Variants in TMEM25 observed in about 807,000 individuals in gnomAD.
TMEM25 encodes the protein transmembrane protein 25, also known as 0610039J01Rik.
In TMEM25, 36 loss-of-function variants were observed where a neutral mutation model predicts 37.0. The ratio of observed to expected loss-of-function variants is 0.97; its 90% CI spans 0.75 to 1.28. The LOEUF (loss-of-function observed/expected upper bound fraction) is 1.28, where lower values mean the gene tolerates loss of function less well. TMEM25 is among the 50% of genes most tolerant of loss of function. The pLI, the probability that TMEM25 is intolerant of heterozygous loss-of-function variation, is 0.00. For synonymous variants in TMEM25, 197 were observed against 203.7 expected (o/e 0.97, Z 0.28); for missense variants, 444 against 477.9 (o/e 0.93, Z 0.66).
chr11:118,543,275 T>C (rs995863179), intron 8 of TMEM25, among the ~76,000 whole-genome samples: 8 of 152,152 alleles, frequency 5.3e-5, no homozygotes, highest in African/African-American at 1.9e-4. Flanking sequence ...GTTAAAGGGT[T>C]TGTAAGAAAC....
In TMEM25 at chr11:118,532,246, G is replaced by A; in HGVS notation, c.167G>A (p.Gly56Glu). 1 of 1,613,708 alleles carries A rather than the reference G, an allele frequency of 6.2e-7. No individual in the cohort carries two copies. The highest frequency in any genetic ancestry group is 1.1e-5 in the South Asian group (1 of 91,066). Residue 56 changes from glycine (G) to glutamate (E), a missense_variant, in exon 3 of 9, where the codon GGG becomes GAG. Coordinates refer to ENST00000313236, the MANE Select transcript of TMEM25 (RefSeq NM_032780.4). ...CACGCCTTCACCTGCCGGGTGGCAG[G>A]GGGGCCTGGCACCCCCAGATTGGCC... is the stretch of plus-strand genomic sequence containing the variant. ...ERHAFTCRVA[G>E]GPGTPRLAWY...
At chr11:118,537,625 T>C (rs782049386), downstream of TMEM25, among the ~76,000 whole-genome samples, 7 of 107,888 alleles carry the variant, frequency 6.5e-5, no homozygotes, top group Admixed American at 1.6e-4. Context: ...ATTCTGGATA[T>C]TTGCTATTGT....
chr11:118,537,790 C>T (rs1951530054), downstream of TMEM25, among the ~76,000 whole-genome samples: 1 of 152,104 alleles, frequency 6.6e-6, no homozygotes, highest in South Asian at 2.1e-4. Flanking sequence ...GTGACTCATA[C>T]CTGTAACCCT....
chr11:118,537,831 G>C (rs562325964), downstream of TMEM25, among the ~76,000 whole-genome samples: 1 of 152,018 alleles, frequency 6.6e-6, no homozygotes, highest in African/African-American at 2.4e-5. Flanking sequence ...CGGGTGGATC[G>C]CTTGAACCCA....
rs139193877 is a variant in TMEM25 at position 118,534,540 on chromosome 11, A to G, written c.1061A>G (p.Tyr354Cys). The G allele has an allele frequency of 3.1e-6, 5 of 1,614,076 alleles. No individual in the cohort carries two copies. Among genetic ancestry groups the G allele is most frequent in the African/African-American group, 2.7e-5 (2 of 74,932 alleles). Residue 354 changes from tyrosine to cysteine, a missense_variant, in exon 9 of 9, where the codon TAT becomes TGT. By Grantham distance (194) the Tyr-to-Cys change is radical. Coordinates refer to ENST00000313236, the MANE Select transcript of TMEM25 (RefSeq NM_032780.4). The surrounding 1 kb of genome is among the most constrained non-coding windows in gnomAD (Gnocchi z 4.6). ...FIRLPVLGYI[Y>C]RVSSVSSDEI... ...CGCCTCCCAGTGCTGGGCTATATCT[A>G]TCGAGTGTCCAGCGTGAGCAGTGAT...
At chr11:118,540,729 C>G (rs782295367), downstream of TMEM25, among the ~76,000 whole-genome samples, 6 of 152,202 alleles carry the variant, frequency 3.9e-5, no homozygotes, top group Non-Finnish European at 7.3e-5. Flanking sequence ...TTGATGAAAG[C>G]CAAACACTCT....
rs45505501 is a variant in TMEM25, at chr11:118,534,590, G to A, written c.*10G>A. ...TGAGATCTGGCTCTGAGCCGAGGGC[G>A]AGACAGGAGTATTCTCTTGGCCTCT... On this transcript the variant is annotated 3_prime_UTR_variant, in exon 9 of 9. Transcript: ENST00000313236. The surrounding 1 kb of genome is among the most constrained non-coding windows in gnomAD (Gnocchi z 4.6). 0.15 allele frequency: 249,015 copies of A among 1,613,510 alleles called. 23,945 individuals are homozygous for A. The highest frequency in any genetic ancestry group is 0.46 in the East Asian group (20,458 of 44,848).
chr11:118,531,614 C>A lies in TMEM25; in HGVS notation c.-27-161C>A, dbSNP rs886438351. The A allele has an allele frequency of 3.6e-5, 22 of 614,404 alleles. No homozygotes were observed. In the African/African-American group the frequency reaches 4.1e-4, roughly 11 times the overall value. 38.1% of individuals were successfully genotyped at this position (614,404 alleles called of 1,614,324 possible). ...ATGTGTCTGCTGGGTGGGTCTGTGCCTTTGGGCTTTGCCGTTCGTGTCCGT... is the reference window on the plus strand; with the variant it reads ...ATGTGTCTGCTGGGTGGGTCTGTGCATTTGGGCTTTGCCGTTCGTGTCCGT... On this transcript the variant is annotated intron_variant, in intron 1 of 8. Transcript: ENST00000313236.
chr11:118,535,630 G>A lies in TMEM25; in HGVS notation c.*1050G>A. ...TAATTCAACAGTGTGGAAGCTTTAG[G>A]GGAACATGGAGAAAGAAGGAGACCA... On this transcript the variant is annotated 3_prime_UTR_variant, in exon 9 of 9. Coordinates refer to ENST00000313236, the MANE Select transcript of TMEM25 (RefSeq NM_032780.4). 6.5e-7 allele frequency: 1 copy of A among 1,528,036 alleles called. No individual in the cohort carries two copies. Among genetic ancestry groups the A allele is most frequent in the Non-Finnish European group, 8.8e-7 (1 of 1,141,106 alleles). The allele number at this position is 1,528,036 out of a possible 1,614,324, so 94.7% of individuals were successfully genotyped here.
At chr11:118,540,743 T>C (rs1951567567), downstream of TMEM25, among the ~76,000 whole-genome samples, 4 of 152,254 alleles carry the variant, frequency 2.6e-5, no homozygotes, top group Admixed American at 6.5e-5. Flanking sequence ...ACACTCTTTT[T>C]TTCAGAAGAC....
Position 118,533,122 on chromosome 11 carries a change from G to T in TMEM25, c.588G>T (p.Gln196His). 1 of 1,613,008 alleles carries T rather than the reference G, an allele frequency of 6.2e-7. No homozygotes were observed. The highest frequency in any genetic ancestry group is 1.3e-5 in the African/African-American group (1 of 75,024). The change falls in exon 4 of 9, where the codon CAG (glutamine) becomes CAT (histidine). Residue 196 changes from glutamine (Q) to histidine (H), a missense_variant. By Grantham distance (24) the Gln-to-His change is conservative. Transcript: ENST00000313236. ...NYPWLTNHTV[Q>H]LQLRSLAHNL... ...CCTGGCTCACCAACCACACGGTGCAGCTGCAGCTCCGCAGCCTGGCACACA... is the reference window on the plus strand; with the variant it reads ...CCTGGCTCACCAACCACACGGTGCATCTGCAGCTCCGCAGCCTGGCACACA...
Position 118,535,485 on chromosome 11 carries a change from G to T in TMEM25, c.*905G>T. The T allele has an allele frequency of 6.6e-7, 1 of 1,524,522 alleles. No individual in the cohort carries two copies. Among genetic ancestry groups the T allele is most frequent in the Non-Finnish European group, 8.8e-7 (1 of 1,138,888 alleles). The allele number at this position is 1,524,522 out of a possible 1,614,324, so 94.4% of individuals were successfully genotyped here. A position where few individuals can be genotyped will look rare whatever the true frequency, so the allele number is the denominator to read the frequency against. On this transcript the variant is annotated 3_prime_UTR_variant, in exon 9 of 9. Transcript: ENST00000313236. The stretch of plus-strand genomic sequence containing the variant: ...TTCACTGTGAGTGTCCTGAGCTCTC[G>T]GGGTTGATGGTTTTTCTCTCAGCAT...
chr11:118,546,725 T>C (rs568835949), downstream of TMEM25: 35 of 152,782 alleles, frequency 2.3e-4, no homozygotes, highest in African/African-American at 6.7e-4. Context: ...CATACTCTTT[T>C]CCTGTGGGAA....
chr11:118,539,969 C>T (rs528932608), downstream of TMEM25, among the ~76,000 whole-genome samples: 26 of 142,922 alleles, frequency 1.8e-4, no homozygotes, highest in African/African-American at 5.5e-4. Context: ...TGCAGTGAGC[C>T]GATATCATGC....
At position 118,534,305 on chromosome 11, in the gene TMEM25, G is replaced by A. The variant is rs1555061846; in HGVS notation, c.977G>A (p.Ser326Asn). 2 of 1,614,038 alleles carry A rather than the reference G, an allele frequency of 1.2e-6. No individual in the cohort carries two copies. Among genetic ancestry groups the A allele is most frequent in the Non-Finnish European group, 1.7e-6 (2 of 1,180,028 alleles). Reference protein sequence around the residue: ...PADRQMAQNNSRPELLDPEPG... With the variant: ...PADRQMAQNNNRPELLDPEPG... ...GACCGGCAGATGGCTCAGAACAACA[G>A]CCGGCCAGAGCTTCTGGACCCGGAG... The change falls in exon 8 of 9, where the codon AGC (serine) becomes AAC (asparagine). Residue 326 changes from serine (S) to asparagine (N), a missense_variant. Transcript: ENST00000313236. This position sits in a 1 kb window ranked among gnomAD's most constrained non-coding sequence, Gnocchi z 4.6.
downstream of TMEM25, among the ~76,000 whole-genome samples, chr11:118,538,730 T>A (rs1441732133): frequency 1.3e-5 from 2 of 151,784 alleles, no homozygotes; most frequent in African/African-American, 4.8e-5. Context: ...CCATCTCTAC[T>A]AAAAATACAA....
chr11:118,533,630 AC>A lies in TMEM25; in HGVS notation c.805+81del, dbSNP rs1555061119. On this transcript the variant is annotated intron_variant, in intron 5 of 8. Coordinates refer to ENST00000313236, the MANE Select transcript of TMEM25 (RefSeq NM_032780.4). ...AAGACAGCAAGTGCAGCTGGGCAGA[AC>A]CAGTCATCTCTGACGGTGGCAGAGC... 3 of 1,608,474 alleles carry A rather than the reference AC, an allele frequency of 1.9e-6. No homozygotes were observed. In the Admixed American group the frequency reaches 5.1e-5, roughly 27 times the overall value.
intron 1 of TMEM25, 197 bp downstream of exon 1, chr11:118,531,431 A>T (rs1555058119): frequency 4.7e-6 from 2 of 428,206 alleles, no homozygotes; most frequent in African/African-American, 4.1e-5. Flanking sequence ...GAGAAAGGCG[A>T]TCCCTTTGGG....
At chr11:118,533,717 G>T in intron 5 of TMEM25, 140 bp from the exon 6 acceptor site, 1 of 1,567,304 alleles carries the variant, frequency 6.4e-7, no homozygotes, top group South Asian at 1.1e-5. Context: ...GTCAAGCACT[G>T]GGAACCCAGT....
Sources: gnomAD v4.1 joint callset for allele counts (sites outside exome capture counted in the v4.1 genomes callset) on GRCh38, gnomAD v4.1.1 for gene constraint, Gnocchi (gnomAD v3.1) non-coding constraint, MANE v1.5 for transcripts, NCBI Gene and HGNC (gene_info 2026-07-23, HGNC 2026-07-21) for gene names.